The following GNAL variants were observed in gnomAD, a reference collection of about 807,000 sequenced individuals.
The protein encoded by GNAL is G protein subunit alpha L, also known as guanine nucleotide-binding protein G(olf) subunit alpha.
In GNAL, 18 loss-of-function variants were observed where a neutral mutation model predicts 55.1. That is an observed-to-expected ratio of 0.33 (90% CI 0.23 to 0.48). The LOEUF (loss-of-function observed/expected upper bound fraction) is 0.48. Ranked by LOEUF, GNAL falls within the 20% of genes least tolerant of loss-of-function variation. The pLI, the probability that GNAL is intolerant of heterozygous loss-of-function variation, is 0.99. For missense variants in GNAL, 412 were observed against 614.1 expected, an observed-to-expected ratio of 0.67 and a Z score of 3.48; for synonymous variants, 253 against 237.0, an observed-to-expected ratio of 1.07 and a Z score of -0.62.
At chr18:11,861,008 C>T (rs1297903713) in intron 5 of GNAL, among the ~76,000 whole-genome samples, 1 of 152,204 alleles carries the variant, frequency 6.6e-6, no homozygotes, top group Admixed American at 6.5e-5. Context: ...CTGAGGTTCA[C>T]AGGCGCCTGC....
intron 4 of GNAL, among the ~76,000 whole-genome samples, chr18:11,817,034 C>T (rs1323605368): frequency 6.6e-6 from 1 of 151,940 alleles, no homozygotes; most frequent in Non-Finnish European, 1.5e-5. Context: ...AGGCACCTTT[C>T]GTGTGATAGA....
intron 5 of GNAL, among the ~76,000 whole-genome samples, chr18:11,826,572 G>A (rs2035253074): frequency 6.6e-6 from 1 of 152,196 alleles, no homozygotes; most frequent in Non-Finnish European, 1.5e-5. Flanking sequence ...GATTGCAGAA[G>A]GCAGAGACCC....
intron 4 of GNAL, among the ~76,000 whole-genome samples, chr18:11,754,202 G>C (rs1158290345): frequency 6.6e-6 from 1 of 152,102 alleles, no homozygotes; most frequent in East Asian, 1.9e-4. Context: ...ATTGCCTGAG[G>C]TCAGGAGTTC....
Position 11,833,230 on chromosome 18 carries a change from C to T in GNAL, c.722+8215C>T, listed in dbSNP as rs148873351. Among the ~76,000 whole-genome samples, 550 of 152,116 alleles carry T rather than the reference C, an allele frequency of 3.6e-3. 2 individuals carry two copies. The highest frequency in any genetic ancestry group is 6.3e-3 in the Non-Finnish European group (425 of 67,964). ...TATTTTTAGTAGAGATGAGGTTTCACAATATTGGCCAGGCTGGTCTCGAAC... is the reference window on the plus strand; with the variant it reads ...TATTTTTAGTAGAGATGAGGTTTCATAATATTGGCCAGGCTGGTCTCGAAC... On this transcript the variant is annotated intron_variant, in intron 5 of 11. Transcript: ENST00000334049.
chr18:11,788,914 A>AAAAAAAAAAAATATATAT (rs60071996), intron 4 of GNAL, among the ~76,000 whole-genome samples: 3 of 56,298 alleles, frequency 5.3e-5, no homozygotes, highest in East Asian at 7.1e-4. Context: ...AAAAAAAAAA[A>AAAAAAAAAAAATATATAT]ATATATATAT....
intron 5 of GNAL, among the ~76,000 whole-genome samples, chr18:11,859,396 A>G (rs536553062): frequency 6.6e-6 from 1 of 152,142 alleles, no homozygotes; most frequent in South Asian, 2.1e-4. Context: ...ATGGTCAGGA[A>G]CTCAGTGTGT....
Position 11,864,564 on chromosome 18 carries a change from G to A in GNAL, c.809G>A (p.Gly270Glu). ...DLLRCRVLTS[G>E]IFETRFQVDK... ...CTCAGATGCAGAGTTCTGACATCTG[G>A]GATTTTTGAGACACGATTCCAAGTG... The change falls in exon 7 of 12, where the codon GGG (glycine) becomes GAG (glutamate). Residue 270 changes from glycine (G) to glutamate (E), a missense_variant. Coordinates refer to ENST00000334049, the MANE Select transcript of GNAL (RefSeq NM_182978.4). The A allele has an allele frequency of 6.3e-7, 1 of 1,591,980 alleles. No homozygotes were observed. Among genetic ancestry groups the A allele is most frequent in the Non-Finnish European group, 8.6e-7 (1 of 1,159,984 alleles).
intron 4 of GNAL, among the ~76,000 whole-genome samples, chr18:11,819,845 A>T (rs1021144672): frequency 6.6e-6 from 1 of 150,394 alleles, no homozygotes; most frequent in African/African-American, 2.4e-5. Context: ...GAAGGAAAAA[A>T]ACTAGAGCCT....
rs954717064 is a variant in GNAL, at chr18:11,872,416, A to G, written c.1162+18A>G. ...TGAAGACGGTAAGATTTCAAAACAC[A>G]TTCTTATGATTGAGGAATAGAATTG... On this transcript the variant is annotated intron_variant, in intron 10 of 11. Transcript: ENST00000334049. 2 of 1,473,674 alleles carry G rather than the reference A, an allele frequency of 1.4e-6. No individual in the cohort carries two copies. The highest frequency in any genetic ancestry group is 1.4e-5 in the African/African-American group (1 of 69,746). The allele number at this position is 1,473,674 out of a possible 1,614,324, so 91.3% of individuals were successfully genotyped here. A position where few individuals can be genotyped will look rare whatever the true frequency, so the allele number is the denominator to read the frequency against.
intron 5 of GNAL, among the ~76,000 whole-genome samples, chr18:11,854,936 C>G (rs1485344035): frequency 6.6e-6 from 1 of 151,990 alleles, no homozygotes; most frequent in African/African-American, 2.4e-5. Context: ...TTTGTTGTTG[C>G]TGTTTTGAGA....
intron 10 of GNAL, among the ~76,000 whole-genome samples, chr18:11,874,683 G>A (rs533955399): frequency 3.4e-5 from 5 of 147,576 alleles, no homozygotes; most frequent in Admixed American, 1.4e-4. Context: ...GATGGTACAC[G>A]GACACTCTGG....
intron 4 of GNAL, among the ~76,000 whole-genome samples, chr18:11,764,425 C>A (rs1416270981): frequency 2.0e-5 from 3 of 152,190 alleles, no homozygotes; most frequent in East Asian, 3.8e-4. Context: ...CTGTTCTTAT[C>A]AAAACTCACA....
intron 4 of GNAL, among the ~76,000 whole-genome samples, chr18:11,764,869 A>G (rs1055839123): frequency 3.5e-4 from 54 of 152,246 alleles, no homozygotes; most frequent in African/African-American, 1.3e-3. Flanking sequence ...AGGCATATCT[A>G]TGAAAGCTGA....
chr18:11,783,446 T>C (rs1395550540), intron 4 of GNAL, among the ~76,000 whole-genome samples: 1 of 152,178 alleles, frequency 6.6e-6, no homozygotes, highest in Non-Finnish European at 1.5e-5. Context: ...AGAAAAAAAT[T>C]ATTAAATCAG....
In GNAL at chr18:11,753,799, C is replaced by T. The variant is rs187797500; in HGVS notation, c.505-27C>T. On this transcript the variant is annotated intron_variant, in intron 3 of 11. Coordinates refer to ENST00000334049, the MANE Select transcript of GNAL (RefSeq NM_182978.4). ...CATACATGGAGCCTAAATGTTTATC[C>T]ATATTTTTTTTCTTATTCCATTTTA... 1.2e-3 allele frequency: 1,900 copies of T among 1,574,136 alleles called. 15 individuals are homozygous for T. The African/African-American group carries it at 0.023, about 19-fold the overall frequency.
intron 1 of GNAL, among the ~76,000 whole-genome samples, chr18:11,691,860 G>A (rs1189654314): frequency 6.6e-6 from 1 of 152,210 alleles, no homozygotes; most frequent in African/African-American, 2.4e-5. Flanking sequence ...TGCTCGCTGT[G>A]TAACTGCGTG....
chr18:11,720,354 A>C (rs1480010659), intron 1 of GNAL, among the ~76,000 whole-genome samples: 1 of 152,262 alleles, frequency 6.6e-6, no homozygotes, highest in Admixed American at 6.5e-5. Flanking sequence ...TACTAATAAA[A>C]AGAATGCAAC....
intron 1 of GNAL, among the ~76,000 whole-genome samples, chr18:11,717,847 A>G (rs1000351264): frequency 3.3e-5 from 5 of 152,212 alleles, no homozygotes; most frequent in Non-Finnish European, 7.3e-5. Flanking sequence ...ACTAGGCTTA[A>G]TACCTGGGTA....
At chr18:11,812,631 G>A (rs2143577169) in intron 4 of GNAL, among the ~76,000 whole-genome samples, 1 of 152,100 alleles carries the variant, frequency 6.6e-6, no homozygotes, top group African/African-American at 2.4e-5. Context: ...ATCACCTGAG[G>A]TCAGGAGTTC....
Sources: allele counts gnomAD v4.1 joint callset (sites outside exome capture counted in the v4.1 genomes callset), GRCh38; gene constraint gnomAD v4.1.1; transcripts MANE v1.5; gene names NCBI Gene and HGNC (gene_info 2026-07-23, HGNC 2026-07-21).